ERBB4: variants seen among roughly 807,000 people sequenced by gnomAD.
ERBB4 encodes the protein receptor tyrosine-protein kinase erbB-4.
ERBB4 carries 42 observed loss-of-function variants against 158.0 expected under a neutral mutation model. The ratio of observed to expected loss-of-function variants is 0.27; its 90% CI spans 0.21 to 0.34. ERBB4 has a LOEUF of 0.34. ERBB4 is among the 10% of genes least tolerant of loss of function. The probability of loss-of-function intolerance (pLI) is 1.00; values close to 1 mark genes in which losing one functional copy is unlikely to be tolerated. For missense variants in ERBB4, 1,333 were observed against 1,624.1 expected, an observed-to-expected ratio of 0.82 and a Z score of 3.08; for synonymous variants, 583 against 558.7, an observed-to-expected ratio of 1.04 and a Z score of -0.61.
intron 19 of ERBB4, among the ~76,000 whole-genome samples, chr2:211,585,613 A>G (rs2068253148): frequency 6.6e-6 from 1 of 152,104 alleles, no homozygotes; most frequent in African/African-American, 2.4e-5. Flanking sequence ...TCAAGTATTC[A>G]GTATATTTTA....
intron 3 of ERBB4, among the ~76,000 whole-genome samples, chr2:211,861,335 TTTTG>T (rs1232269321): frequency 3.7e-3 from 274 of 73,912 alleles, no homozygotes; most frequent in African/African-American, 9.3e-3. Context: ...GTGTTTTTTT[TTTTG>T]TTTTTTTTTT....
chr2:211,541,147 T>A (rs1156566968), intron 20 of ERBB4, among the ~76,000 whole-genome samples: 1 of 151,948 alleles, frequency 6.6e-6, no homozygotes, highest in Non-Finnish European at 1.5e-5. Context: ...TTTGATCAAA[T>A]ACAAAATTTT....
At chr2:211,519,681 G>T (rs1196488841) in intron 20 of ERBB4, among the ~76,000 whole-genome samples, 1 of 151,294 alleles carries the variant, frequency 6.6e-6, no homozygotes. Flanking sequence ...AAGAAAAAAA[G>T]AAAAAAAACA....
intron 16 of ERBB4, among the ~76,000 whole-genome samples, chr2:211,637,921 T>C (rs2070420870): frequency 6.6e-6 from 1 of 151,970 alleles, no homozygotes; most frequent in Non-Finnish European, 1.5e-5. Flanking sequence ...ATATCTATGC[T>C]TGATAGTAGA....
At chr2:212,401,651 T>G (rs1002840040) in intron 1 of ERBB4, among the ~76,000 whole-genome samples, 2 of 152,102 alleles carry the variant, frequency 1.3e-5, no homozygotes, top group African/African-American at 4.8e-5. Flanking sequence ...GAGAAGAAAT[T>G]AACCATTATG....
At chr2:211,999,313 AT>A (rs1363812802) in intron 2 of ERBB4, among the ~76,000 whole-genome samples, 2 of 151,768 alleles carry the variant, frequency 1.3e-5, no homozygotes, top group Non-Finnish European at 3.0e-5. Flanking sequence ...GCATCAATCA[AT>A]TTTTTGCCAG....
At chr2:212,404,111 C>A (rs980884887) in intron 1 of ERBB4, among the ~76,000 whole-genome samples, 2 of 151,928 alleles carry the variant, frequency 1.3e-5, no homozygotes, top group Non-Finnish European at 2.9e-5. Flanking sequence ...AAAGTTTATT[C>A]ACACGAGCCA....
chr2:212,391,711 TTGACATATATATTATATATA>T (rs1257291251), intron 1 of ERBB4, among the ~76,000 whole-genome samples: 132 of 134,712 alleles, frequency 9.8e-4, no homozygotes, highest in Admixed American at 3.2e-3. Context: ...ATTATATATA[TTGACATATATATTATATATA>T]TGACATATAT....
At chr2:211,567,809 A>G (rs1241194750) in intron 19 of ERBB4, among the ~76,000 whole-genome samples, 2 of 151,828 alleles carry the variant, frequency 1.3e-5, no homozygotes, top group African/African-American at 4.8e-5. Context: ...TTTTCATAAA[A>G]GAAATAGCAG....
rs139159663 is a variant in ERBB4 at position 212,058,456 on chromosome 2, C to T, written c.234+66296G>A. On this transcript the variant is annotated intron_variant, in intron 2 of 27. Transcript: ENST00000342788. ...CTCATTTTATGAAGCCAGCATCATC[C>T]TGATACCAAAGCCTGATAGAGAAAC... Among the ~76,000 whole-genome samples, 1,200 of 152,242 alleles carry T rather than the reference C, an allele frequency of 7.9e-3. 11 individuals are homozygous for T. Among genetic ancestry groups the T allele is most frequent in the African/African-American group, 0.027 (1,101 of 41,524 alleles).
chr2:211,674,074 T>G (rs74968347), intron 13 of ERBB4, among the ~76,000 whole-genome samples: 3,244 of 152,174 alleles, frequency 0.021, 115 homozygotes, highest in African/African-American at 0.075. Context: ...GCAAAATTAT[T>G]ATATCAATAA....
chr2:211,554,934 T>G (rs947777348), intron 20 of ERBB4, among the ~76,000 whole-genome samples: 1 of 152,220 alleles, frequency 6.6e-6, no homozygotes, highest in African/African-American at 2.4e-5. Context: ...ACATACACTA[T>G]TCAGAATCTG....
At chr2:211,712,780 G>A (rs940066830) in intron 8 of ERBB4, among the ~76,000 whole-genome samples, 1 of 16,596 alleles carries the variant, frequency 6.0e-5, no homozygotes, top group Admixed American at 6.3e-4. Context: ...TGTGTGGGTG[G>A]GGGGGGATGT....
intron 20 of ERBB4, among the ~76,000 whole-genome samples, chr2:211,456,962 A>T (rs1574524060): frequency 6.6e-6 from 1 of 152,202 alleles, no homozygotes; most frequent in East Asian, 1.9e-4. Context: ...TATGTGAAAC[A>T]TTGACATAAA....
intron 1 of ERBB4, among the ~76,000 whole-genome samples, chr2:212,297,041 T>C (rs1054545536): frequency 6.6e-6 from 1 of 151,970 alleles, no homozygotes. Flanking sequence ...CTCTCTTTTA[T>C]ACAAGAACCC....
rs1270242100 is a variant in ERBB4 at position 211,702,074 on chromosome 2, G to C, written c.1382C>G (p.Thr461Ser). ...ATAATAACACAGGTTGCTGTTGTCA[G>C]TAATATAGATGTTTCCTGCGCTGAT... is the stretch of plus-strand genomic sequence containing the variant. Reference protein sequence around the residue: ...KEISAGNIYITDNSNLCYYHT... With the variant: ...KEISAGNIYISDNSNLCYYHT... The change falls in exon 12 of 28, where the codon ACT (threonine) becomes AGT (serine). Residue 461 changes from threonine (T) to serine (S), a missense_variant. By Grantham distance (58) the Thr-to-Ser change is moderately conservative. This residue lies in a region of ERBB4 where 438 missense variants were observed against 586.9 expected (regional missense o/e 0.75). Transcript: ENST00000342788. 2 of 1,613,806 alleles carry C rather than the reference G, an allele frequency of 1.2e-6. No homozygotes were observed. Among genetic ancestry groups the C allele is most frequent in the South Asian group, 2.2e-5 (2 of 91,078 alleles).
At position 211,807,850 on chromosome 2, in the gene ERBB4, T is replaced by A. The variant is rs142261138; in HGVS notation, c.422-19691A>T. 7.4e-3 allele frequency among the ~76,000 whole-genome samples: 1,120 copies of A among 152,302 alleles called. 12 individuals are homozygous for A. The highest frequency in any genetic ancestry group is 0.026 in the African/African-American group (1,062 of 41,570). On this transcript the variant is annotated intron_variant, in intron 3 of 27. Transcript: ENST00000342788. ...GTGTGAGATGGTATCTCATTGTGGT[T>A]TTGATTTGCATTTCTCTGATGGCCA...
Position 212,313,007 on chromosome 2 carries a change from T to C in ERBB4, c.83-188104A>G, listed in dbSNP as rs190453367. 1.1e-4 allele frequency among the ~76,000 whole-genome samples: 17 copies of C among 150,968 alleles called. No homozygotes were observed. In the East Asian group the frequency reaches 3.1e-3, roughly 28 times the overall value. ...TCTTTTTTTAATTTTCAAAGTACAG[T>C]GAATAATACTGGAAATATTTTGGCA... On this transcript the variant is annotated intron_variant, in intron 1 of 27. Transcript: ENST00000342788.
chr2:212,074,904 C>T (rs1317362410), intron 2 of ERBB4, among the ~76,000 whole-genome samples: 1 of 151,940 alleles, frequency 6.6e-6, no homozygotes, highest in Non-Finnish European at 1.5e-5. Flanking sequence ...ATATTTTATA[C>T]CTTGTTTAAA....
Sources: gnomAD v4.1 joint callset for allele counts (sites outside exome capture counted in the v4.1 genomes callset) on GRCh38, gnomAD v4.1.1 for gene constraint, gnomAD v4.1.1 regional missense constraint, MANE v1.5 for transcripts, NCBI Gene and HGNC (gene_info 2026-07-23, HGNC 2026-07-21) for gene names.